Variants in ARHGAP15 observed in about 807,000 individuals in gnomAD.
ARHGAP15 encodes Rho GTPase activating protein 15.
A neutral mutation model predicts 63.7 loss-of-function variants in ARHGAP15; 51 were observed. That is an observed-to-expected ratio of 0.80 (90% CI 0.64 to 1.01). The LOEUF is 1.01. Ranked by LOEUF, ARHGAP15 falls within the 50% of genes least tolerant of loss-of-function variation. ARHGAP15 has a pLI of 0.00. For missense variants in ARHGAP15, 560 were observed against 564.6 expected (o/e 0.99, Z 0.08); for synonymous variants, 191 against 193.8 (o/e 0.99, Z 0.12).
intron 6 of ARHGAP15, among the ~76,000 whole-genome samples, chr2:143,282,053 T>C (rs1681876121): frequency 1.3e-5 from 2 of 152,148 alleles, no homozygotes; most frequent in South Asian, 4.1e-4. Flanking sequence ...AGTAACTTCT[T>C]GGAGTTATCA....
chr2:143,321,683 G>T (rs943241467), intron 6 of ARHGAP15, among the ~76,000 whole-genome samples: 3 of 152,244 alleles, frequency 2.0e-5, no homozygotes, highest in African/African-American at 7.2e-5. Flanking sequence ...GCTAGAGAGA[G>T]ACATCTATTA....
At position 143,552,566 on chromosome 2, in the gene ARHGAP15, G is replaced by C. The variant is rs758994305; in HGVS notation, c.926-3842G>C. Among the ~76,000 whole-genome samples, 518 of 137,884 alleles carry C rather than the reference G, an allele frequency of 3.8e-3. 1 individual carries two copies. The highest frequency in any genetic ancestry group is 5.9e-3 in the Non-Finnish European group (380 of 64,326). 90.5% of individuals were successfully genotyped at this position (137,884 alleles called of 152,430 possible). ...CTTCTTCAGGAGAAAAAAAAGTCGG[G>C]GTGGGGAGGCAGGGGAAGACTTTTA... On this transcript the variant is annotated intron_variant, in intron 10 of 13. Transcript: ENST00000295095.
At chr2:143,552,570 G>A (rs1311546511) in intron 10 of ARHGAP15, among the ~76,000 whole-genome samples, 1 of 151,728 alleles carries the variant, frequency 6.6e-6, no homozygotes, top group African/African-American at 2.4e-5. Flanking sequence ...AGTCGGGGTG[G>A]GGAGGCAGGG....
At chr2:143,213,658 T>C (rs1345277717) in intron 3 of ARHGAP15, among the ~76,000 whole-genome samples, 1 of 152,162 alleles carries the variant, frequency 6.6e-6, no homozygotes, top group East Asian at 1.9e-4. Context: ...TGGTAGCAAG[T>C]GTAGTAGGTA....
intron 2 of ARHGAP15, among the ~76,000 whole-genome samples, chr2:143,186,386 G>T (rs1309789018): frequency 6.6e-6 from 1 of 151,868 alleles, no homozygotes; most frequent in Admixed American, 6.6e-5. Flanking sequence ...CTTGTTCTTG[G>T]GGGGAAAAGA....
At chr2:143,630,788 A>G (rs960037353) in intron 12 of ARHGAP15, among the ~76,000 whole-genome samples, 2 of 152,096 alleles carry the variant, frequency 1.3e-5, no homozygotes, top group African/African-American at 4.8e-5. Flanking sequence ...TCTATAGTTT[A>G]TTTTTAATTT....
chr2:143,240,704 A>G lies in ARHGAP15; in HGVS notation c.385-9807A>G, dbSNP rs140621741. On this transcript the variant is annotated intron_variant, in intron 5 of 13. Transcript: ENST00000295095. ...CAAACATTTAATGATTAGGAAAAAC[A>G]AGTTACAGTTCAAAATCTGGAGGAT... Among the ~76,000 whole-genome samples, 497 of 152,328 alleles carry G rather than the reference A, an allele frequency of 3.3e-3. 3 individuals are homozygous for G. Among genetic ancestry groups the G allele is most frequent in the African/African-American group, 0.011 (477 of 41,582 alleles).
intron 6 of ARHGAP15, among the ~76,000 whole-genome samples, chr2:143,265,991 G>T (rs1052517031): frequency 4.7e-5 from 7 of 150,302 alleles, no homozygotes; most frequent in African/African-American, 1.7e-4. Context: ...TGAAAAACAG[G>T]GGGTAAAATT....
chr2:143,562,387 T>C (rs72990843), intron 11 of ARHGAP15, among the ~76,000 whole-genome samples: 76 of 152,356 alleles, frequency 5.0e-4, no homozygotes, highest in African/African-American at 1.7e-3. Context: ...ATAGCCCTTG[T>C]ATCAAGTCCA....
At chr2:143,157,411 T>G (rs1303425713) in intron 2 of ARHGAP15, among the ~76,000 whole-genome samples, 2 of 151,908 alleles carry the variant, frequency 1.3e-5, no homozygotes. Flanking sequence ...ATTGTTGATA[T>G]TACCTTGTTA....
At chr2:143,471,548 G>C (rs1467497304) in intron 8 of ARHGAP15, among the ~76,000 whole-genome samples, 2 of 152,120 alleles carry the variant, frequency 1.3e-5, no homozygotes, top group African/African-American at 2.4e-5. Flanking sequence ...AAAGGGGATA[G>C]AGGGCTCCTA....
At chr2:143,359,261 A>C (rs902737161) in intron 6 of ARHGAP15, among the ~76,000 whole-genome samples, 1 of 152,072 alleles carries the variant, frequency 6.6e-6, no homozygotes, top group East Asian at 1.9e-4. Context: ...AAGTTCATTG[A>C]CTTTGAGGGA....
chr2:143,329,891 G>C (rs1574284959), intron 6 of ARHGAP15, among the ~76,000 whole-genome samples: 1 of 137,458 alleles, frequency 7.3e-6, no homozygotes, highest in Non-Finnish European at 1.6e-5. Flanking sequence ...ATATTTTTAA[G>C]AAAATTGCCC....
chr2:143,492,473 C>A (rs76694311), intron 9 of ARHGAP15, among the ~76,000 whole-genome samples: 11,261 of 152,114 alleles, frequency 0.074, 637 homozygotes, highest in East Asian at 0.23. Flanking sequence ...TTAAAAAAAA[C>A]ATGGCTGAGC....
chr2:143,256,967 A>T (rs1488230037), intron 6 of ARHGAP15, among the ~76,000 whole-genome samples: 1 of 152,140 alleles, frequency 6.6e-6, no homozygotes, highest in Admixed American at 6.6e-5. Flanking sequence ...GAACATGCCT[A>T]TTGGTTCAGA....
At chr2:143,719,149 T>C (rs1684939159) in intron 13 of ARHGAP15, among the ~76,000 whole-genome samples, 1 of 152,224 alleles carries the variant, frequency 6.6e-6, no homozygotes, top group Non-Finnish European at 1.5e-5. Flanking sequence ...TGAAAACACC[T>C]CTTTTCCTGC....
intron 12 of ARHGAP15, among the ~76,000 whole-genome samples, chr2:143,647,359 TAA>T (rs79292470): frequency 0.21 from 28,181 of 136,394 alleles, 3,073 homozygotes; most frequent in Middle Eastern, 0.33. Context: ...ACCAAGTAGT[TAA>T]AAAAAAAAAA....
intron 2 of ARHGAP15, among the ~76,000 whole-genome samples, chr2:143,179,595 A>G (rs1018705784): frequency 6.6e-6 from 1 of 152,232 alleles, no homozygotes; most frequent in South Asian, 2.1e-4. Flanking sequence ...TTTTGTATAA[A>G]AAACAATATG....
intron 6 of ARHGAP15, among the ~76,000 whole-genome samples, chr2:143,301,473 TAAA>T (rs1682892662): frequency 6.6e-6 from 1 of 151,936 alleles, no homozygotes; most frequent in Non-Finnish European, 1.5e-5. Flanking sequence ...GCTATGTGTA[TAAA>T]AATTGTCTCC....
Sources: allele counts gnomAD v4.1 joint callset (sites outside exome capture counted in the v4.1 genomes callset), GRCh38; gene constraint gnomAD v4.1.1; transcripts MANE v1.5; gene names NCBI Gene and HGNC (gene_info 2026-07-23, HGNC 2026-07-21).